DOCK4: variants seen among roughly 807,000 people sequenced by gnomAD.
The protein encoded by DOCK4 is dedicator of cytokinesis 4.
A neutral mutation model predicts 268.1 loss-of-function variants in DOCK4; 97 were observed. The observed-to-expected ratio is 0.36, with a 90% CI of 0.31 to 0.43. The LOEUF is 0.43. Ranked by LOEUF, DOCK4 falls within the 20% of genes least tolerant of loss-of-function variation. The probability of loss-of-function intolerance (pLI) is 1.00; values close to 1 mark genes in which losing one functional copy is unlikely to be tolerated. For synonymous variants in DOCK4, 954 were observed against 887.2 expected, an observed-to-expected ratio of 1.08 and a Z score of -1.34; for missense variants, 2,145 against 2,455.7, an observed-to-expected ratio of 0.87 and a Z score of 2.67.
chr7:112,142,919 GT>G (rs1177841800), intron 1 of DOCK4, among the ~76,000 whole-genome samples: 4 of 151,870 alleles, frequency 2.6e-5, no homozygotes, highest in Non-Finnish European at 4.4e-5. Flanking sequence ...TTATCTATTT[GT>G]TTTTACTAGA....
chr7:112,127,187 T>C (rs1297783138), intron 1 of DOCK4, among the ~76,000 whole-genome samples: 5 of 151,250 alleles, frequency 3.3e-5, no homozygotes, highest in Middle Eastern at 3.2e-3. Context: ...TAGACTGGAT[T>C]AAGAAAATGT....
At chr7:111,869,382 T>G (rs1268968944) in intron 21 of DOCK4, 192 bp downstream of exon 21, 1 of 551,004 alleles carries the variant, frequency 1.8e-6, no homozygotes, top group Admixed American at 2.5e-5. Flanking sequence ...CAGTTTCCAG[T>G]AGACTACCCT....
In DOCK4 at chr7:111,822,139, C is replaced by G. The variant is rs559584453; in HGVS notation, c.2930+223G>C. 2.0e-5 allele frequency among the ~76,000 whole-genome samples: 3 copies of G among 152,150 alleles called. 1 individual carries two copies. The South Asian group carries it at 6.2e-4, about 32-fold the overall frequency. On this transcript the variant is annotated intron_variant, in intron 27 of 52. Coordinates refer to ENST00000428084, the MANE Select transcript of DOCK4 (RefSeq NM_001363540.2). ...CCTAGGGGAAGAGGGTCAATGGGAA[C>G]AGAACTTCTCAATGCATATGCTATT...
chr7:112,004,140 A>T lies in DOCK4; in HGVS notation c.38-9T>A. ...TCGGAAACTGGCAATAACTGTAAAA[A>T]ATGATAAAGAATATATGAAGACAAT... On this transcript the variant is annotated splice_polypyrimidine_tract_variant and intron_variant, in intron 1 of 52. Coordinates refer to ENST00000428084, the MANE Select transcript of DOCK4 (RefSeq NM_001363540.2). 1 of 1,564,098 alleles carries T rather than the reference A, an allele frequency of 6.4e-7. No individual in the cohort carries two copies. The highest frequency in any genetic ancestry group is 8.7e-7 in the Non-Finnish European group (1 of 1,151,626).
chr7:111,951,356 A>G (rs987437471), intron 8 of DOCK4, among the ~76,000 whole-genome samples: 1 of 152,148 alleles, frequency 6.6e-6, no homozygotes, highest in African/African-American at 2.4e-5. Context: ...TTGTCATCCC[A>G]GTGAGAAAGC....
chr7:111,977,191 C>T lies in DOCK4; in HGVS notation c.642G>A (p.Leu214=). Residue 214 remains leucine (L), a synonymous_variant, in exon 8 of 53, where the codon CTG becomes CTA. Transcript: ENST00000428084. ...AGAAGATGACCTCCAGCTCCTCTCC[C>T]AGGTTGGAACACATGAGGCTCTTCA... ...VQMKSLMCSN[L]GEELEVIFSL... The T allele has an allele frequency of 6.2e-7, 1 of 1,612,438 alleles. No homozygotes were observed. Among genetic ancestry groups the T allele is most frequent in the Non-Finnish European group, 8.5e-7 (1 of 1,179,378 alleles).
At chr7:112,164,404 C>T (rs1817404586) in intron 1 of DOCK4, among the ~76,000 whole-genome samples, 1 of 152,152 alleles carries the variant, frequency 6.6e-6, no homozygotes, top group African/African-American at 2.4e-5. Context: ...GTCTTAAAGT[C>T]TGCATATAAC....
chr7:112,140,723 T>A (rs1814837269), intron 1 of DOCK4, among the ~76,000 whole-genome samples: 1 of 152,038 alleles, frequency 6.6e-6, no homozygotes, highest in Non-Finnish European at 1.5e-5. Context: ...TTTCAGCCTC[T>A]TTATAGCAGC....
intron 8 of DOCK4, among the ~76,000 whole-genome samples, chr7:111,960,367 A>T (rs1461925846): frequency 6.6e-6 from 1 of 150,438 alleles, no homozygotes; most frequent in East Asian, 1.9e-4. Flanking sequence ...CTGTCTTAAA[A>T]AAAAAAAAAA....
chr7:111,729,755 G>A (rs1794939810), intron 52 of DOCK4, among the ~76,000 whole-genome samples: 1 of 152,210 alleles, frequency 6.6e-6, no homozygotes. Context: ...GACCCAGAGA[G>A]CTCAGGAGGA....
At chr7:112,164,751 T>C (rs1817442520) in intron 1 of DOCK4, among the ~76,000 whole-genome samples, 1 of 152,266 alleles carries the variant, frequency 6.6e-6, no homozygotes, top group South Asian at 2.1e-4. Context: ...TGTTGAATCT[T>C]TGTGACCATC....
intron 1 of DOCK4, among the ~76,000 whole-genome samples, chr7:112,092,459 G>A (rs540004197): frequency 6.6e-6 from 1 of 152,220 alleles, no homozygotes; most frequent in Non-Finnish European, 1.5e-5. Flanking sequence ...GAGCTGACGT[G>A]TGCACACTTT....
chr7:111,944,247 T>C (rs576829958), intron 10 of DOCK4, among the ~76,000 whole-genome samples: 1 of 152,348 alleles, frequency 6.6e-6, no homozygotes, highest in African/African-American at 2.4e-5. Context: ...TGAGGAAAAC[T>C]AGGGTCAACA....
intron 25 of DOCK4, among the ~76,000 whole-genome samples, chr7:111,834,910 T>C (rs1803119387): frequency 6.6e-6 from 1 of 152,062 alleles, no homozygotes; most frequent in South Asian, 2.1e-4. Flanking sequence ...AAATTTATAA[T>C]TTTAGGGAGG....
intron 1 of DOCK4, among the ~76,000 whole-genome samples, chr7:112,044,454 C>T (rs533644239): frequency 1.3e-5 from 2 of 152,248 alleles, no homozygotes; most frequent in East Asian, 1.9e-4. Flanking sequence ...TTATCTAGCA[C>T]TCATCAAGGT....
chr7:112,144,520 A>G (rs1815252863), intron 1 of DOCK4, among the ~76,000 whole-genome samples: 1 of 152,210 alleles, frequency 6.6e-6, no homozygotes, highest in Non-Finnish European at 1.5e-5. Flanking sequence ...ACATTTGCCC[A>G]GGCAGATGGC....
chr7:111,858,586 T>C (rs1378357011), intron 23 of DOCK4, among the ~76,000 whole-genome samples: 1 of 152,226 alleles, frequency 6.6e-6, no homozygotes. Context: ...TGGTCTTCTC[T>C]TGCATTTGGA....
chr7:111,776,155 T>C (rs941150416), intron 36 of DOCK4, among the ~76,000 whole-genome samples: 3 of 152,146 alleles, frequency 2.0e-5, no homozygotes, highest in African/African-American at 7.2e-5. Flanking sequence ...TCCAAAATTA[T>C]CTGACTTTTA....
intron 1 of DOCK4, among the ~76,000 whole-genome samples, chr7:112,076,237 G>A (rs918256890): frequency 2.6e-5 from 4 of 151,966 alleles, no homozygotes; most frequent in Non-Finnish European, 2.9e-5. Context: ...GTATAACACC[G>A]TGTTTACAGT....
Sources: allele counts gnomAD v4.1 joint callset (sites outside exome capture counted in the v4.1 genomes callset), GRCh38; gene constraint gnomAD v4.1.1; transcripts MANE v1.5; gene names NCBI Gene and HGNC (gene_info 2026-07-23, HGNC 2026-07-21).